GALNT18: variants seen among roughly 807,000 people sequenced by gnomAD.
The protein encoded by GALNT18 is polypeptide N-acetylgalactosaminyltransferase 18.
In GALNT18, 44 loss-of-function variants were observed where a neutral mutation model predicts 69.5. The ratio of observed to expected loss-of-function variants is 0.63; its 90% confidence interval spans 0.50 to 0.81. GALNT18 has a LOEUF of 0.81. GALNT18 is among the 40% of genes least tolerant of loss of function. The probability of loss-of-function intolerance (pLI) is 0.00; values close to 1 mark genes in which losing one functional copy is unlikely to be tolerated. For missense variants in GALNT18, 715 were observed against 810.0 expected, an observed-to-expected ratio of 0.88 and a Z score of 1.42; for synonymous variants, 364 against 318.2, an observed-to-expected ratio of 1.14 and a Z score of -1.53.
rs775405817 is a variant in GALNT18, at chr11:11,621,474, A to G, written c.120T>C (p.Tyr40=). Residue 40 remains tyrosine, a synonymous_variant, in exon 1 of 11, where the codon TAT becomes TAC. Coordinates refer to ENST00000227756, the MANE Select transcript of GALNT18 (RefSeq NM_198516.3). This position sits in a 1 kb window ranked among gnomAD's most constrained non-coding sequence, Gnocchi z 9.3. The part of the protein sequence containing the change: ...GWVTNYIASV[Y]VRGQEPAPDK... ...CGGGCGCCGGCTCCTGCCCCCGCAC[A>G]TACACGCTGGCGATGTAGTTGGTGA... is the stretch of plus-strand genomic sequence containing the variant. 1.2e-6 allele frequency: 2 copies of G among 1,614,044 alleles called. No homozygotes were observed. The highest frequency in any genetic ancestry group is 1.1e-5 in the South Asian group (1 of 91,074).
chr11:11,282,665 G>A (rs1849106993), intron 10 of GALNT18, among the ~76,000 whole-genome samples: 2 of 152,180 alleles, frequency 1.3e-5, no homozygotes, highest in African/African-American at 4.8e-5. Flanking sequence ...TGCCTAGGGT[G>A]GAGAAGGATC....
At chr11:11,453,137 C>T (rs1045372384) in intron 1 of GALNT18, among the ~76,000 whole-genome samples, 3 of 152,090 alleles carry the variant, frequency 2.0e-5, no homozygotes, top group Admixed American at 6.5e-5. Flanking sequence ...GGGGACCAAG[C>T]GGTGCTTGAG....
Position 11,439,103 on chromosome 11 carries a change from T to G in GALNT18, c.429-6316A>C, listed in dbSNP as rs568606086. 6.6e-6 allele frequency among the ~76,000 whole-genome samples: 1 copy of G among 152,316 alleles called. No individual in the cohort carries two copies. The highest frequency in any genetic ancestry group is 2.1e-4 in the South Asian group (1 of 4,826). ...AATTTTAAAGAATGACCAGTGGCCCTGTCCAGCCACTGGACAATGGAGGGG... is the reference window on the plus strand; with the variant it reads ...AATTTTAAAGAATGACCAGTGGCCCGGTCCAGCCACTGGACAATGGAGGGG... On this transcript the variant is annotated intron_variant, in intron 2 of 10. Transcript: ENST00000227756. This position sits in a 1 kb window ranked among gnomAD's most constrained non-coding sequence, Gnocchi z 4.4.
chr11:11,608,284 G>C (rs1485632200), intron 1 of GALNT18, among the ~76,000 whole-genome samples: 1 of 152,124 alleles, frequency 6.6e-6, no homozygotes, highest in Non-Finnish European at 1.5e-5. Context: ...AATGAAGGAA[G>C]ACTGAAAAAG....
rs2133699533 is a variant in GALNT18 at position 11,383,617 on chromosome 11, A to C, written c.596-4353T>G. ...GGACATAGAAATGAAGTGAGAGTTC[A>C]CCCATTCATTCATTCATTCATTCAA... On this transcript the variant is annotated intron_variant, in intron 3 of 10. Transcript: ENST00000227756. The surrounding 1 kb of genome is among the most constrained non-coding windows in gnomAD (Gnocchi z 5.2). Among the ~76,000 whole-genome samples the C allele has an allele frequency of 6.6e-6, 1 of 151,876 alleles. No homozygotes were observed. Among genetic ancestry groups the C allele is most frequent in the East Asian group, 2.0e-4 (1 of 4,972 alleles).
intron 1 of GALNT18, among the ~76,000 whole-genome samples, chr11:11,576,550 G>A (rs1858929054): frequency 6.6e-6 from 1 of 152,212 alleles, no homozygotes; most frequent in Admixed American, 6.5e-5. Context: ...TGCAACTTTT[G>A]TGTAACTTTC....
chr11:11,568,275 G>C (rs1007760664), intron 1 of GALNT18, among the ~76,000 whole-genome samples: 1 of 152,030 alleles, frequency 6.6e-6, no homozygotes, highest in Non-Finnish European at 1.5e-5. Flanking sequence ...CAGACTTCGC[G>C]ACAACTGACT....
rs369652096 is a variant in GALNT18, at chr11:11,302,344, C to T, written c.1513-9151G>A. ...TACTGGGATTGCTGGTGAAGTCTCT[C>T]TTTTTCTGCAGCCTCTGGGTGTGTC... is the stretch of plus-strand genomic sequence containing the variant. On this transcript the variant is annotated intron_variant, in intron 9 of 10. Transcript: ENST00000227756. Among the ~76,000 whole-genome samples, 9 of 152,288 alleles carry T rather than the reference C, an allele frequency of 5.9e-5. 1 individual carries two copies. The highest frequency in any genetic ancestry group is 2.2e-4 in the African/African-American group (9 of 41,558).
chr11:11,374,209 G>A (rs1398383997), intron 5 of GALNT18, among the ~76,000 whole-genome samples: 8 of 152,146 alleles, frequency 5.3e-5, no homozygotes, highest in Non-Finnish European at 8.8e-5. Context: ...CCAGGCCTTC[G>A]AGGTAGTCTC....
intron 7 of GALNT18, among the ~76,000 whole-genome samples, chr11:11,336,270 C>T (rs531739355): frequency 6.6e-6 from 1 of 152,298 alleles, no homozygotes; most frequent in South Asian, 2.1e-4. Context: ...GGTGGAGGCT[C>T]TTCGACCTTT....
intron 3 of GALNT18, among the ~76,000 whole-genome samples, chr11:11,424,167 A>C (rs952549328): frequency 2.0e-5 from 3 of 152,196 alleles, no homozygotes; most frequent in Admixed American, 6.5e-5. Flanking sequence ...CCTGCACCCA[A>C]GAAAGGACCA....
rs948215204 is a variant in GALNT18 at position 11,563,666 on chromosome 11, C to G, written c.235+57693G>C. 1.3e-5 allele frequency among the ~76,000 whole-genome samples: 2 copies of G among 152,182 alleles called. No individual in the cohort carries two copies. Among genetic ancestry groups the G allele is most frequent in the African/African-American group, 4.8e-5 (2 of 41,456 alleles). ...CTTGTGGTTGCTGGTGGGGGCCCCA[C>G]AGCCGGCAAGTGGGATTCAAACCCA... On this transcript the variant is annotated intron_variant, in intron 1 of 10. Coordinates refer to ENST00000227756, the MANE Select transcript of GALNT18 (RefSeq NM_198516.3). This position sits in a 1 kb window ranked among gnomAD's most constrained non-coding sequence, Gnocchi z 4.6.
At chr11:11,447,412 G>A (rs996883280) in intron 2 of GALNT18, among the ~76,000 whole-genome samples, 1 of 152,102 alleles carries the variant, frequency 6.6e-6, no homozygotes, top group Non-Finnish European at 1.5e-5. Context: ...CTGCATATTT[G>A]ACTTCTTTGT....
rs1850320381 is a variant in GALNT18, at chr11:11,347,251, C to T, written c.1093-6247G>A. 6.6e-6 allele frequency among the ~76,000 whole-genome samples: 1 copy of T among 152,164 alleles called. No homozygotes were observed. Among genetic ancestry groups the T allele is most frequent in the Admixed American group, 6.5e-5 (1 of 15,280 alleles). ...CCAGTGCCTCAAATGATGCCCAGTA[C>T]TTGAGACACAACTGAGAGTTGTAAA... is the stretch of plus-strand genomic sequence containing the variant. On this transcript the variant is annotated intron_variant, in intron 6 of 10. Transcript: ENST00000227756. The surrounding 1 kb of genome is among the most constrained non-coding windows in gnomAD (Gnocchi z 4.0).
chr11:11,602,639 G>A lies in GALNT18; in HGVS notation c.235+18720C>T, dbSNP rs1054218740. On this transcript the variant is annotated intron_variant, in intron 1 of 10. Coordinates refer to ENST00000227756, the MANE Select transcript of GALNT18 (RefSeq NM_198516.3). The surrounding 1 kb of genome is among the most constrained non-coding windows in gnomAD (Gnocchi z 4.7). Reference sequence around the variant, plus strand: ...ATGTATCTCATCAGGGCAATTTCCAGGGACTTTAGATGGGTGTTGTTTAAT... The same window carrying A: ...ATGTATCTCATCAGGGCAATTTCCAAGGACTTTAGATGGGTGTTGTTTAAT... 6.6e-6 allele frequency among the ~76,000 whole-genome samples: 1 copy of A among 152,146 alleles called. No individual in the cohort carries two copies. Among genetic ancestry groups the A allele is most frequent in the African/African-American group, 2.4e-5 (1 of 41,438 alleles).
intron 1 of GALNT18, among the ~76,000 whole-genome samples, chr11:11,486,804 C>T (rs902013651): frequency 7.9e-5 from 12 of 152,332 alleles, no homozygotes; most frequent in Admixed American, 1.3e-4. Flanking sequence ...TCCAAGCTGA[C>T]GGCTCCTCCC....
intron 9 of GALNT18, among the ~76,000 whole-genome samples, chr11:11,304,013 G>T (rs1849538062): frequency 6.6e-6 from 1 of 152,186 alleles, no homozygotes; most frequent in South Asian, 2.1e-4. Context: ...TATGCTCTGG[G>T]ACTCTGCCAC....
intron 6 of GALNT18, among the ~76,000 whole-genome samples, chr11:11,362,363 AAAAC>A (rs571109608): frequency 3.4e-4 from 51 of 152,212 alleles, no homozygotes; most frequent in African/African-American, 8.9e-4. Flanking sequence ...TTTGGATGGC[AAAAC>A]AAACAAACAA....
At chr11:11,472,170 C>A (rs907388801) in intron 1 of GALNT18, among the ~76,000 whole-genome samples, 3 of 152,198 alleles carry the variant, frequency 2.0e-5, no homozygotes, top group African/African-American at 7.2e-5. Context: ...ACAGGGGCTC[C>A]ACTACCTGGA....
Sources: gnomAD v4.1 joint callset for allele counts (sites outside exome capture counted in the v4.1 genomes callset) on GRCh38, gnomAD v4.1.1 for gene constraint, Gnocchi (gnomAD v3.1) non-coding constraint, MANE v1.5 for transcripts, NCBI Gene and HGNC (gene_info 2026-07-23, HGNC 2026-07-21) for gene names.